SAMSN1: variants seen among roughly 807,000 people sequenced by gnomAD.
SAMSN1 encodes SAM domain, SH3 domain and nuclear localization signals 1.
A neutral mutation model predicts 42.0 loss-of-function variants in SAMSN1; 31 were observed. That is an observed-to-expected ratio of 0.74 (90% CI 0.55 to 1.00). The LOEUF is 1.00. SAMSN1 is among the 50% of genes least tolerant of loss of function. The probability of loss-of-function intolerance (pLI) is 0.00; values close to 1 mark genes in which losing one functional copy is unlikely to be tolerated. For missense variants in SAMSN1, 464 were observed against 439.4 expected (o/e 1.06, Z -0.50); for synonymous variants, 178 against 151.9 (o/e 1.17, Z -1.26).
chr21:14,489,500 T>A (rs1381370920), intron 7 of SAMSN1, among the ~76,000 whole-genome samples: 2 of 152,120 alleles, frequency 1.3e-5, no homozygotes, highest in African/African-American at 4.8e-5. Context: ...ACGGTATAAT[T>A]TTTCAATAAA....
At chr21:14,658,540 C>T (rs998424266) in intron 1 of SAMSN1, among the ~76,000 whole-genome samples, 1 of 151,710 alleles carries the variant, frequency 6.6e-6, no homozygotes, top group African/African-American at 2.4e-5. Context: ...TGTTGCAGAA[C>T]TCTTTTTAAT....
At chr21:14,647,673 T>A (rs1175000525) in intron 1 of SAMSN1, among the ~76,000 whole-genome samples, 1 of 139,402 alleles carries the variant, frequency 7.2e-6, no homozygotes, top group Non-Finnish European at 1.6e-5. Flanking sequence ...GAGCATTGGT[T>A]TGTAGTTCTC....
intron 7 of SAMSN1, among the ~76,000 whole-genome samples, chr21:14,593,396 T>C (rs574338862): frequency 1.3e-5 from 2 of 152,252 alleles, no homozygotes; most frequent in African/African-American, 4.8e-5. Context: ...TACTTGTTGA[T>C]GTATGTGAAT....
chr21:14,538,108 A>G (rs1979749992), intron 1 of SAMSN1, among the ~76,000 whole-genome samples: 1 of 152,228 alleles, frequency 6.6e-6, no homozygotes, highest in Non-Finnish European at 1.5e-5. Context: ...ACCTTTTGAG[A>G]TATCTGGTTT....
At chr21:14,496,229 T>A (rs906988381) in intron 7 of SAMSN1, 2 of 152,224 alleles carry the variant, frequency 1.3e-5, no homozygotes, top group African/African-American at 4.8e-5. Context: ...AAAACTTCAA[T>A]TTTCAAATAT....
chr21:14,603,749 G>T (rs1465765587), intron 5 of SAMSN1, among the ~76,000 whole-genome samples: 1 of 152,114 alleles, frequency 6.6e-6, no homozygotes, highest in Non-Finnish European at 1.5e-5. Context: ...ATATCTACAG[G>T]AATCAAATAT....
At chr21:14,571,016 G>A (rs965519379) in intron 2 of SAMSN1, among the ~76,000 whole-genome samples, 1 of 151,006 alleles carries the variant, frequency 6.6e-6, no homozygotes, top group Non-Finnish European at 1.5e-5. Context: ...CTTATTATCA[G>A]TTAGTTAACT....
chr21:14,627,801 G>C (rs1023718855), intron 2 of SAMSN1, among the ~76,000 whole-genome samples: 3 of 152,140 alleles, frequency 2.0e-5, no homozygotes, highest in Non-Finnish European at 4.4e-5. Flanking sequence ...GCTTCTCAGG[G>C]CATAATTAAT....
At chr21:14,658,688 T>C in intron 1 of SAMSN1, 1 of 712,274 alleles carries the variant, frequency 1.4e-6, no homozygotes, top group Middle Eastern at 2.3e-4. Context: ...CCTAATTTCA[T>C]TCCTTTTGAC....
chr21:14,518,697 C>T (rs1376577718), intron 2 of SAMSN1, among the ~76,000 whole-genome samples: 1 of 152,146 alleles, frequency 6.6e-6, no homozygotes, highest in Non-Finnish European at 1.5e-5. Flanking sequence ...TATCTTACCC[C>T]AAATTGCCTA....
chr21:14,539,274 T>C (rs1196471977), intron 1 of SAMSN1, among the ~76,000 whole-genome samples: 1 of 152,180 alleles, frequency 6.6e-6, no homozygotes, highest in Admixed American at 6.5e-5. Context: ...TTCAACATAG[T>C]GTTGGAAGTT....
intron 2 of SAMSN1, among the ~76,000 whole-genome samples, chr21:14,624,679 GC>G (rs1983114285): frequency 6.6e-6 from 1 of 152,168 alleles, no homozygotes. Flanking sequence ...TGGATTCACA[GC>G]CAAATACTAA....
At chr21:14,535,772 G>C (rs1224873102) in intron 1 of SAMSN1, among the ~76,000 whole-genome samples, 2 of 152,140 alleles carry the variant, frequency 1.3e-5, no homozygotes, top group East Asian at 3.9e-4. Context: ...CAAAAAGAAA[G>C]GCCCAGAACA....
intron 2 of SAMSN1, among the ~76,000 whole-genome samples, chr21:14,633,332 T>A (rs1176978902): frequency 6.6e-6 from 1 of 152,168 alleles, no homozygotes; most frequent in African/African-American, 2.4e-5. Flanking sequence ...AAAAGGAAAG[T>A]AATAGAGTTT....
Position 14,557,177 on chromosome 21 carries a change from G to A in SAMSN1, c.261+24959C>T, listed in dbSNP as rs1980787570. Among the ~76,000 whole-genome samples, 3 of 152,174 alleles carry A rather than the reference G, an allele frequency of 2.0e-5. No homozygotes were observed. In the South Asian group the frequency reaches 6.2e-4, roughly 32 times the overall value. On this transcript the variant is annotated intron_variant, in intron 2 of 8. Transcript: ENST00000285670. Reference sequence around the variant, plus strand: ...ACGGAGAACCTGTGGTGTGAAGAGAGCATGTGGACTTTGGAGGAGTGATGT... The same window carrying A: ...ACGGAGAACCTGTGGTGTGAAGAGAACATGTGGACTTTGGAGGAGTGATGT...
chr21:14,538,714 T>C (rs557222821), intron 1 of SAMSN1, among the ~76,000 whole-genome samples: 4 of 152,304 alleles, frequency 2.6e-5, no homozygotes, highest in Admixed American at 2.0e-4. Flanking sequence ...AAACAGCTCA[T>C]AATCAACTCA....
chr21:14,630,574 T>G (rs1983303321), intron 2 of SAMSN1, among the ~76,000 whole-genome samples: 1 of 152,194 alleles, frequency 6.6e-6, no homozygotes, highest in African/African-American at 2.4e-5. Context: ...CCAAAAGGTG[T>G]TCATATGTGA....
chr21:14,590,092 A>G (rs138041393), intron 7 of SAMSN1, among the ~76,000 whole-genome samples: 16 of 152,242 alleles, frequency 1.1e-4, no homozygotes, highest in African/African-American at 3.9e-4. Flanking sequence ...GTGTATGCAT[A>G]GGGCTTAGAA....
At position 14,521,131 on chromosome 21, in the gene SAMSN1, A is replaced by C. The variant is rs1352857837; in HGVS notation, c.129+19T>G. 8 of 1,510,374 alleles carry C rather than the reference A, an allele frequency of 5.3e-6. No homozygotes were observed. The highest frequency in any genetic ancestry group is 7.3e-6 in the Non-Finnish European group (8 of 1,096,808). The allele number at this position is 1,510,374 out of a possible 1,614,324, so 93.6% of individuals were successfully genotyped here. ...AATGTGTTTGCATAACATTCATAAAAATGGAATAAACTACGAACCTCAGTT... is the reference window on the plus strand; with the variant it reads ...AATGTGTTTGCATAACATTCATAAACATGGAATAAACTACGAACCTCAGTT... On this transcript the variant is annotated intron_variant, in intron 2 of 7. Coordinates refer to ENST00000400566, the MANE Select transcript of SAMSN1 (RefSeq NM_022136.5).
Sources: gnomAD v4.1 joint callset for allele counts (sites outside exome capture counted in the v4.1 genomes callset) on GRCh38, gnomAD v4.1.1 for gene constraint, MANE v1.5 for transcripts, NCBI Gene and HGNC (gene_info 2026-07-23, HGNC 2026-07-21) for gene names.